PATZ1: variants seen among roughly 807,000 people sequenced by gnomAD.
PATZ1 encodes the protein POZ/BTB and AT hook containing zinc finger 1.
Under a neutral mutation model 46.2 loss-of-function variants are expected in PATZ1, and 9 were observed. The observed-to-expected ratio is 0.19, with a 90% CI of 0.12 to 0.34. PATZ1 has a LOEUF of 0.34. Ranked by LOEUF, PATZ1 falls within the 10% of genes least tolerant of loss-of-function variation. PATZ1 has a pLI of 1.00. For synonymous variants in PATZ1, 426 were observed against 378.6 expected, an observed-to-expected ratio of 1.13 and a Z score of -1.45; for missense variants, 632 against 923.0, an observed-to-expected ratio of 0.68 and a Z score of 4.08.
chr22:31,341,408 G>GC, intron 2 of PATZ1: 1 of 1,541,722 alleles, frequency 6.5e-7, no homozygotes, highest in Non-Finnish European at 8.7e-7. Context: ...GCCCAGGCTA[G>GC]CCAACAGGCC....
chr22:31,336,615 G>A (rs965430706), intron 2 of PATZ1, among the ~76,000 whole-genome samples: 2 of 151,574 alleles, frequency 1.3e-5, no homozygotes, highest in Non-Finnish European at 2.9e-5. Context: ...GACCAGCCTG[G>A]CCAACATGGT....
rs2049400942 is a variant in PATZ1, at chr22:31,328,845, C to T, written c.1587G>A (p.Gln529=). ...CTGCTCCCCCATTCAGGATGGGCTC[C>T]TGGTGCCTGGAGACCTGGGGAAGGG... ...GVPLPQVSRH[Q]EPILNGGAAF... Residue 529 remains glutamine (Q), a synonymous_variant, in exon 4 of 5, where the codon CAG becomes CAA. Coordinates refer to ENST00000266269, the MANE Select transcript of PATZ1 (RefSeq NM_014323.3). This position sits in a 1 kb window ranked among gnomAD's most constrained non-coding sequence, Gnocchi z 4.8. 1 of 1,613,786 alleles carries T rather than the reference C, an allele frequency of 6.2e-7. No homozygotes were observed. The highest frequency in any genetic ancestry group is 1.7e-5 in the Admixed American group (1 of 60,008).
chr22:31,340,591 G>T, intron 2 of PATZ1: 1 of 710,452 alleles, frequency 1.4e-6, no homozygotes, highest in Non-Finnish European at 1.8e-6. Context: ...GTTGGGAGGG[G>T]CAGGGCAGGA....
At chr22:31,341,148 A>G (rs1162783704) in intron 2 of PATZ1, 5 of 1,195,450 alleles carry the variant, frequency 4.2e-6, no homozygotes, top group Non-Finnish European at 2.1e-6. Flanking sequence ...ACAGATGCCC[A>G]GGGGTGCCAT....
chr22:31,342,851 C>A (rs372655698), intron 2 of PATZ1, 46 bp downstream of exon 2: 56 of 1,606,862 alleles, frequency 3.5e-5, no homozygotes, highest in Non-Finnish European at 4.3e-5. Context: ...ACCGTGAGAA[C>A]AGCATCATCT....
intron 2 of PATZ1, among the ~76,000 whole-genome samples, chr22:31,339,017 GA>G (rs2049547613): frequency 6.6e-6 from 1 of 152,224 alleles, no homozygotes; most frequent in South Asian, 2.1e-4. Context: ...ATAGGAAAGA[GA>G]TGCCTTGTTT....
At chr22:31,341,479 G>A in intron 2 of PATZ1, 2 of 1,612,788 alleles carry the variant, frequency 1.2e-6, no homozygotes, top group South Asian at 1.1e-5. Flanking sequence ...TATCCCGGCG[G>A]GGCTGGGCAG....
rs767405982 is a variant in PATZ1, at chr22:31,344,729, G to A, written c.874C>T (p.Leu292Phe). 2 of 1,611,084 alleles carry A rather than the reference G, an allele frequency of 1.2e-6. No homozygotes were observed. Among genetic ancestry groups the A allele is most frequent in the Non-Finnish European group, 1.7e-6 (2 of 1,178,020 alleles). The change falls in exon 1 of 5, where the codon CTT becomes TTT. Residue 292 changes from leucine (L) to phenylalanine (F), a missense_variant. This residue lies in a region of PATZ1 where 279 missense variants were observed against 284.3 expected (regional missense o/e 0.98). Coordinates refer to ENST00000266269, the MANE Select transcript of PATZ1 (RefSeq NM_014323.3). ...SPGGLREAGI[L>F]PCGLCGKVFT... ...ACCTTACCACATAGACCGCATGGAA[G>A]GATGCCTGCCTCCCTCAGGCCCCCT...
intron 2 of PATZ1, among the ~76,000 whole-genome samples, chr22:31,339,769 C>T (rs1390898451): frequency 6.6e-6 from 1 of 152,208 alleles, no homozygotes. Flanking sequence ...CACTGAGCCC[C>T]AGTCCTGCTC....
chr22:31,332,929 T>G (rs1232162048), intron 3 of PATZ1, among the ~76,000 whole-genome samples: 4 of 152,234 alleles, frequency 2.6e-5, no homozygotes, highest in Non-Finnish European at 2.9e-5. Context: ...AGCCAGGGCC[T>G]TCTCCCTTTT....
Position 31,344,399 on chromosome 22 carries a change from C to G in PATZ1, c.1204G>C (p.Val402Leu), listed in dbSNP as rs772609155. 2.5e-6 allele frequency: 4 copies of G among 1,614,130 alleles called. No homozygotes were observed. The highest frequency in any genetic ancestry group is 2.5e-6 in the Non-Finnish European group (3 of 1,179,974). The change falls in exon 1 of 5, where the codon GTG becomes CTG. Residue 402 changes from valine (V) to leucine (L), a missense_variant. Transcript: ENST00000266269. Reference sequence around the variant, plus strand: ...CCCACGGACCCATCATGGGACCGCACATGGTAGGACATGCGGTCTTTTCTC... The same window carrying G: ...CCCACGGACCCATCATGGGACCGCAGATGGTAGGACATGCGGTCTTTTCTC... ...FKRKDRMSYH[V>L]RSHDGSVGKP...
At position 31,327,019 on chromosome 22, in the gene PATZ1, G is replaced by C; in HGVS notation, c.1936C>G (p.Pro646Ala). 2 of 1,614,260 alleles carry C rather than the reference G, an allele frequency of 1.2e-6. No individual in the cohort carries two copies. Among genetic ancestry groups the C allele is most frequent in the Non-Finnish European group, 1.7e-6 (2 of 1,180,046 alleles). Residue 646 changes from proline to alanine, a missense_variant, in exon 5 of 5, where the codon CCT becomes GCT. Pro to Ala is a conservative substitution (Grantham distance 27). Coordinates refer to ENST00000266269, the MANE Select transcript of PATZ1 (RefSeq NM_014323.3). The surrounding 1 kb of genome is among the most constrained non-coding windows in gnomAD (Gnocchi z 4.2). ...LGDLGPALGS[P>A]FSPQQNMSLL... ...GACATGTTCTGCTGAGGAGAGAAAG[G>C]TGAGCCAAGGGCAGGGCCCAGGTCC...
chr22:31,339,014 A>C (rs1241353602), intron 2 of PATZ1, among the ~76,000 whole-genome samples: 2 of 152,216 alleles, frequency 1.3e-5, no homozygotes, highest in Admixed American at 6.5e-5. Flanking sequence ...GGGATAGGAA[A>C]GAGATGCCTT....
intron 3 of PATZ1, among the ~76,000 whole-genome samples, chr22:31,333,243 T>A (rs2049464147): frequency 6.6e-6 from 1 of 152,206 alleles, no homozygotes; most frequent in South Asian, 2.1e-4. Context: ...TTAAGAATTG[T>A]TGGGATTGAA....
intron 2 of PATZ1, 66 bp downstream of exon 2, chr22:31,342,831 C>T (rs1410890064): frequency 1.3e-6 from 2 of 1,574,746 alleles, no homozygotes; most frequent in Non-Finnish European, 1.7e-6. Context: ...GCGGCTGGCT[C>T]AAGGCTGCGA....
intron 1 of PATZ1, among the ~76,000 whole-genome samples, chr22:31,344,120 T>A (rs1453439665): frequency 6.6e-6 from 1 of 152,094 alleles, no homozygotes; most frequent in Non-Finnish European, 1.5e-5. Context: ...TAGGGCACAC[T>A]TAGCGTCAAA....
intron 2 of PATZ1, 151 bp from the exon 3 acceptor site, chr22:31,336,014 C>A (rs1306730213): frequency 1.0e-5 from 7 of 668,744 alleles, no homozygotes; most frequent in Non-Finnish European, 1.5e-5. Flanking sequence ...GGCTCCCTAC[C>A]CAGAATGCCA....
chr22:31,345,104 G>C lies in PATZ1; in HGVS notation c.499C>G (p.Pro167Ala), dbSNP rs756085184. 1.9e-6 allele frequency: 3 copies of C among 1,614,090 alleles called. No homozygotes were observed. In the African/African-American group the frequency reaches 4.0e-5, roughly 22 times the overall value. The change falls in exon 1 of 5, where the codon CCT becomes GCT. Residue 167 changes from proline (P) to alanine (A), a missense_variant. Physicochemically the swap from Pro to Ala is conservative, Grantham distance 27. Around this residue, in one of 7 missense-constraint regions of PATZ1, gnomAD observed 279 missense variants for 284.3 expected, o/e 0.98. Transcript: ENST00000266269. This position sits in a 1 kb window ranked among gnomAD's most constrained non-coding sequence, Gnocchi z 7.4. The stretch of plus-strand genomic sequence containing the variant: ...AAGAGCATTATATCGGCGCGGGCAG[G>C]GGGTACCAGGATCTGTACGTTGGAC... ...KQSNVQILVP[P>A]ARADIMLFRP...
chr22:31,342,837 T>C (rs945244261), intron 2 of PATZ1, 60 bp downstream of exon 2: 24 of 1,588,512 alleles, frequency 1.5e-5, no homozygotes, highest in Non-Finnish European at 4.3e-6. Flanking sequence ...GGCTCAAGGC[T>C]GCGACCGTGA....
Sources: allele counts gnomAD v4.1 joint callset (sites outside exome capture counted in the v4.1 genomes callset), GRCh38; gene constraint gnomAD v4.1.1; regional missense constraint gnomAD v4.1.1; non-coding constraint Gnocchi (gnomAD v3.1); transcripts MANE v1.5; gene names NCBI Gene and HGNC (gene_info 2026-07-23, HGNC 2026-07-21).